RANBP2: variants seen among roughly 807,000 people sequenced by gnomAD.
RANBP2 encodes RAN binding protein 2, also known as E3 SUMO-protein ligase RanBP2.
RANBP2 carries 57 observed loss-of-function variants against 303.6 expected under a neutral mutation model. The ratio of observed to expected loss-of-function variants is 0.19; its 90% CI spans 0.15 to 0.23. The LOEUF is 0.23. Ranked by LOEUF, RANBP2 falls within the 10% of genes least tolerant of loss-of-function variation. The probability of loss-of-function intolerance (pLI) is 1.00; values close to 1 mark genes in which losing one functional copy is unlikely to be tolerated. For synonymous variants in RANBP2, 1,167 were observed against 1,301.5 expected, an observed-to-expected ratio of 0.90 and a Z score of 2.23; for missense variants, 3,138 against 3,780.8, an observed-to-expected ratio of 0.83 and a Z score of 4.46.
At chr2:109,522,486 G>A in the RANBP2 span, among the ~76,000 whole-genome samples, 1 of 151,866 alleles carries the variant, frequency 6.6e-6, no homozygotes, top group Non-Finnish European at 1.5e-5. Flanking sequence ...TAGTAGAGAC[G>A]GGGTTTCACC....
chr2:109,097,161 G>A, the RANBP2 span, among the ~76,000 whole-genome samples: 1 of 152,168 alleles, frequency 6.6e-6, no homozygotes, highest in Admixed American at 6.5e-5. Context: ...AAAATTAGCT[G>A]GGCGTGGTGG....
At chr2:109,490,914 C>T in the RANBP2 span, 1 of 1,508,966 alleles carries the variant, frequency 6.6e-7, no homozygotes, top group South Asian at 1.2e-5. Flanking sequence ...CCGCCCCGAG[C>T]CCAAGCTGTT....
the RANBP2 span, among the ~76,000 whole-genome samples, chr2:108,811,357 G>A: frequency 6.8e-6 from 1 of 146,452 alleles, no homozygotes; most frequent in African/African-American, 2.5e-5. Context: ...CCACGCTTCT[G>A]CTTCAGCCTC....
the RANBP2 span, among the ~76,000 whole-genome samples, chr2:109,279,793 G>A: frequency 3.7e-3 from 570 of 152,294 alleles, 5 homozygotes; most frequent in African/African-American, 0.012. Flanking sequence ...GAGCCAGGCC[G>A]GGCAAGAAGA....
At chr2:108,776,584 G>T (rs1677909308) in intron 24 of RANBP2, among the ~76,000 whole-genome samples, 1 of 152,208 alleles carries the variant, frequency 6.6e-6, no homozygotes, top group Non-Finnish European at 1.5e-5. Flanking sequence ...AGAGGAAGAC[G>T]ACTTCATACC....
chr2:109,592,713 G>T, the RANBP2 span, among the ~76,000 whole-genome samples: 1 of 151,184 alleles, frequency 6.6e-6, no homozygotes, highest in Non-Finnish European at 1.5e-5. Context: ...CCGGGAGGCA[G>T]AGGTTGCAGT....
At chr2:108,856,734 G>GT in the RANBP2 span, 2 of 1,509,530 alleles carry the variant, frequency 1.3e-6, no homozygotes, top group Admixed American at 4.4e-5. Flanking sequence ...TTTACCTTCT[G>GT]TTTCTGATTG....
At chr2:108,987,489 G>T in the RANBP2 span, among the ~76,000 whole-genome samples, 1 of 152,210 alleles carries the variant, frequency 6.6e-6, no homozygotes, top group Non-Finnish European at 1.5e-5. Context: ...ACATGTCTGT[G>T]CTTCACAAAT....
the RANBP2 span, among the ~76,000 whole-genome samples, chr2:109,043,229 G>A: frequency 2.6e-5 from 4 of 152,138 alleles, no homozygotes; most frequent in South Asian, 4.1e-4. Context: ...CCTTTAGTGC[G>A]TCATTTGTAC....
At chr2:109,096,054 T>C in the RANBP2 span, among the ~76,000 whole-genome samples, 1 of 152,130 alleles carries the variant, frequency 6.6e-6, no homozygotes. Flanking sequence ...ATTTTTGAGG[T>C]ACCATTTTAA....
At chr2:108,792,899 C>T in the RANBP2 span, among the ~76,000 whole-genome samples, 2 of 150,206 alleles carry the variant, frequency 1.3e-5, no homozygotes, top group East Asian at 3.9e-4. Flanking sequence ...CCTGTCTCTA[C>T]TAAAAATACA....
the RANBP2 span, among the ~76,000 whole-genome samples, chr2:109,335,638 A>G: frequency 2.0e-5 from 3 of 151,992 alleles, no homozygotes; most frequent in African/African-American, 4.8e-5. Flanking sequence ...ACTTATTTGT[A>G]TGTTTTGTTG....
the RANBP2 span, among the ~76,000 whole-genome samples, chr2:109,422,136 G>A: frequency 6.6e-6 from 1 of 152,190 alleles, no homozygotes; most frequent in Admixed American, 6.5e-5. Context: ...GCCTCTGTAA[G>A]TCACGTTCAG....
the RANBP2 span, among the ~76,000 whole-genome samples, chr2:109,258,010 A>T: frequency 6.6e-6 from 1 of 151,986 alleles, no homozygotes; most frequent in African/African-American, 2.4e-5. Context: ...ACACATACCC[A>T]CATACCTGTG....
the RANBP2 span, chr2:109,501,802 G>C: frequency 3.3e-6 from 2 of 613,720 alleles, no homozygotes; most frequent in East Asian, 5.5e-5. Context: ...GGGATACCCT[G>C]GCCCAGGGTG....
intron 4 of RANBP2, 29 bp from the exon 5 acceptor site, chr2:108,735,503 A>C (rs1163796982): frequency 1.9e-6 from 3 of 1,597,448 alleles, no homozygotes; most frequent in Non-Finnish European, 2.5e-6. Context: ...GTGTTACTCT[A>C]ATAATTTTTC....
At chr2:109,074,347 A>C in the RANBP2 span, among the ~76,000 whole-genome samples, 1 of 150,476 alleles carries the variant, frequency 6.6e-6, no homozygotes, top group Middle Eastern at 3.4e-3. Context: ...CAGCCTGGAC[A>C]ACAGAGCAAG....
the RANBP2 span, among the ~76,000 whole-genome samples, chr2:109,413,417 CT>C: frequency 6.6e-6 from 1 of 152,164 alleles, no homozygotes; most frequent in African/African-American, 2.4e-5. Context: ...CCAGGCCTGT[CT>C]GGTTATTTTA....
chr2:108,907,516 C>A, the RANBP2 span, among the ~76,000 whole-genome samples: 23 of 151,912 alleles, frequency 1.5e-4, no homozygotes, highest in Admixed American at 5.2e-4. Flanking sequence ...GGTGTGGCAG[C>A]GTGCACCTGT....
Sources: gnomAD v4.1 joint callset for allele counts (sites outside exome capture counted in the v4.1 genomes callset) on GRCh38, gnomAD v4.1.1 for gene constraint, MANE v1.5 for transcripts, NCBI Gene and HGNC (gene_info 2026-07-23, HGNC 2026-07-21) for gene names.